Variants in PCDHGA1 observed in about 807,000 individuals in gnomAD.
The protein encoded by PCDHGA1 is protocadherin gamma subfamily A, 1.
In PCDHGA1, 32 loss-of-function variants were observed where a neutral mutation model predicts 58.0. The observed-to-expected ratio is 0.55, with a 90% CI of 0.42 to 0.74. The LOEUF (loss-of-function observed/expected upper bound fraction) is 0.74. Among genes scored for constraint, PCDHGA1 ranks in the 30% least tolerant of loss-of-function variants. PCDHGA1 has a pLI of 0.00. For missense variants in PCDHGA1, 1,205 were observed against 1,182.3 expected (o/e 1.02, Z -0.28); for synonymous variants, 498 against 501.1 (o/e 0.99, Z 0.08).
intron 1 of PCDHGA1, chr5:141,379,443 G>A (rs995348151): frequency 2.6e-5 from 4 of 152,168 alleles, no homozygotes; most frequent in African/African-American, 9.7e-5. Flanking sequence ...TTATACATAT[G>A]ATTATTTCAT....
chr5:141,374,652 A>G, intron 1 of PCDHGA1: 1 of 1,612,302 alleles, frequency 6.2e-7, no homozygotes, highest in Non-Finnish European at 8.5e-7. Context: ...CATGGGCCCA[A>G]GTACCCGGAG....
chr5:141,389,538 G>A (rs772693461), intron 1 of PCDHGA1: 1 of 1,613,186 alleles, frequency 6.2e-7, no homozygotes, highest in Admixed American at 1.7e-5. Context: ...GTTAGTGGAC[G>A]ACCGCAACGA....
intron 1 of PCDHGA1, chr5:141,375,571 C>A (rs760580799): frequency 2.5e-6 from 4 of 1,613,962 alleles, no homozygotes; most frequent in Non-Finnish European, 3.4e-6. Context: ...AAGACACCCT[C>A]CAGGGGGCGC....
chr5:141,383,455 G>A (rs1330166497), intron 1 of PCDHGA1: 1 of 1,613,936 alleles, frequency 6.2e-7, no homozygotes, highest in South Asian at 1.1e-5. Context: ...GCAAAGTGGA[G>A]ACGATGAAAC....
intron 1 of PCDHGA1, chr5:141,340,296 T>C: frequency 6.2e-7 from 1 of 1,614,148 alleles, no homozygotes; most frequent in Non-Finnish European, 8.5e-7. Flanking sequence ...TTGCTCCAGG[T>C]GGCAGACATC....
intron 1 of PCDHGA1, chr5:141,415,489 C>G: frequency 6.2e-7 from 1 of 1,614,220 alleles, no homozygotes; most frequent in Non-Finnish European, 8.5e-7. Flanking sequence ...AAAGAGTCAC[C>G]TGATCTTCCC....
intron 1 of PCDHGA1, chr5:141,384,384 C>G: frequency 6.2e-7 from 1 of 1,613,934 alleles, no homozygotes; most frequent in African/African-American, 1.3e-5. Flanking sequence ...CCGAAGACAC[C>G]ATCCAGGGGG....
chr5:141,336,987 T>C (rs954637261), intron 1 of PCDHGA1, among the ~76,000 whole-genome samples: 1 of 152,170 alleles, frequency 6.6e-6, no homozygotes, highest in African/African-American at 2.4e-5. Flanking sequence ...TAGACATTTC[T>C]CCAAAGATGA....
intron 1 of PCDHGA1, chr5:141,367,404 G>C (rs919849034): frequency 1.3e-5 from 2 of 152,244 alleles, no homozygotes; most frequent in African/African-American, 4.8e-5. Flanking sequence ...GGGCGTGGTG[G>C]CAGGCGCCTG....
intron 1 of PCDHGA1, chr5:141,433,227 T>C (rs1178649427): frequency 6.5e-6 from 10 of 1,528,034 alleles, no homozygotes; most frequent in Non-Finnish European, 8.9e-6. Context: ...TTTTAATTGC[T>C]CTGTCTCCCA....
chr5:141,333,253 G>C, intron 1 of PCDHGA1, 148 bp downstream of exon 1: 1 of 1,142,052 alleles, frequency 8.8e-7, no homozygotes, highest in Non-Finnish European at 1.2e-6. Flanking sequence ...TCACGATTGA[G>C]TCTACACGTT....
intron 2 of PCDHGA1, among the ~76,000 whole-genome samples, chr5:141,499,576 G>C (rs2099792836): frequency 1.3e-5 from 2 of 151,790 alleles, no homozygotes; most frequent in Non-Finnish European, 2.9e-5. Context: ...TTCAACTAAT[G>C]CCTTATCTTG....
At chr5:141,354,915 TA>T (rs1175574849) in intron 1 of PCDHGA1, 5 of 411,134 alleles carry the variant, frequency 1.2e-5, no homozygotes, top group African/African-American at 4.1e-5. Context: ...GAAAAGTGTA[TA>T]AAAAATAAAC....
At chr5:141,419,475 C>G (rs775720158) in intron 1 of PCDHGA1, 2 of 1,612,266 alleles carry the variant, frequency 1.2e-6, no homozygotes, top group Admixed American at 1.7e-5. Context: ...GACCAGGGCT[C>G]GCCCGCGCTC....
At chr5:141,379,728 G>A (rs1775778672) in intron 1 of PCDHGA1, 1 of 152,020 alleles carries the variant, frequency 6.6e-6, no homozygotes, top group African/African-American at 2.4e-5. Flanking sequence ...AATTTGCTAA[G>A]TTATGGCTAA....
intron 1 of PCDHGA1, chr5:141,399,280 G>T (rs750453381): frequency 6.2e-7 from 1 of 1,613,836 alleles, no homozygotes; most frequent in Non-Finnish European, 8.5e-7. Flanking sequence ...ATTACAAGGC[G>T]AAGTCCCTTT....
chr5:141,361,135 C>A, intron 1 of PCDHGA1: 1 of 1,613,506 alleles, frequency 6.2e-7, no homozygotes, highest in Non-Finnish European at 8.5e-7. Flanking sequence ...CTGCAGTATC[C>A]AAGTTGAAAT....
At chr5:141,385,186 T>C in intron 1 of PCDHGA1, 1 of 1,614,218 alleles carries the variant, frequency 6.2e-7, no homozygotes. Context: ...CACCGCGGAC[T>C]CTCGGAAGAG....
At chr5:141,371,483 G>T in intron 1 of PCDHGA1, 1 of 1,613,952 alleles carries the variant, frequency 6.2e-7, no homozygotes, top group Non-Finnish European at 8.5e-7. Context: ...CTGAGCTGGG[G>T]ACTGCCGTTG....
Sources: allele counts gnomAD v4.1 joint callset (sites outside exome capture counted in the v4.1 genomes callset), GRCh38; gene constraint gnomAD v4.1.1; transcripts MANE v1.5; gene names NCBI Gene and HGNC (gene_info 2026-07-23, HGNC 2026-07-21).